GRIA1: variants seen among roughly 807,000 people sequenced by gnomAD.
The protein encoded by GRIA1 is glutamate receptor 1.
GRIA1 carries 31 observed loss-of-function variants against 99.2 expected under a neutral mutation model. The observed-to-expected ratio is 0.31, with a 90% CI of 0.23 to 0.42. GRIA1 has a LOEUF of 0.42. GRIA1 is among the 10% of genes least tolerant of loss of function. GRIA1 has a pLI of 1.00. For missense variants in GRIA1, 782 were observed against 1,157.5 expected, an observed-to-expected ratio of 0.68 and a Z score of 4.71; for synonymous variants, 438 against 432.4, an observed-to-expected ratio of 1.01 and a Z score of -0.16.
intron 2 of GRIA1, among the ~76,000 whole-genome samples, chr5:153,597,567 T>A (rs1764537556): frequency 6.6e-6 from 1 of 152,206 alleles, no homozygotes; most frequent in Admixed American, 6.5e-5. Context: ...TGATTGAGTA[T>A]TCAGTGAGAT....
intron 11 of GRIA1, among the ~76,000 whole-genome samples, chr5:153,760,747 A>C (rs1763126316): frequency 1.3e-5 from 2 of 152,170 alleles, no homozygotes; most frequent in African/African-American, 4.8e-5. Flanking sequence ...ACAAAGCTAG[A>C]AGCACCACAC....
intron 2 of GRIA1, among the ~76,000 whole-genome samples, chr5:153,539,790 T>C (rs1348099279): frequency 5.3e-5 from 8 of 152,220 alleles, no homozygotes; most frequent in Non-Finnish European, 1.2e-4. Context: ...GACCATGGGA[T>C]ATTATAAGAT....
intron 6 of GRIA1, among the ~76,000 whole-genome samples, chr5:153,675,110 A>G (rs1203133212): frequency 6.6e-6 from 1 of 152,212 alleles, no homozygotes; most frequent in Non-Finnish European, 1.5e-5. Flanking sequence ...AGAAGTCACA[A>G]GCAGATCTTC....
chr5:153,575,280 G>T (rs1762436563), intron 2 of GRIA1, among the ~76,000 whole-genome samples: 1 of 151,996 alleles, frequency 6.6e-6, no homozygotes, highest in Non-Finnish European at 1.5e-5. Flanking sequence ...CCTCATGAAA[G>T]CCTCATAATG....
chr5:153,685,449 G>T (rs1454549937), intron 7 of GRIA1, among the ~76,000 whole-genome samples: 1 of 152,114 alleles, frequency 6.6e-6, no homozygotes, highest in African/African-American at 2.4e-5. Context: ...CATATTTGAG[G>T]GTTCCAATAC....
chr5:153,799,090 T>C (rs984564659), intron 14 of GRIA1, among the ~76,000 whole-genome samples: 9 of 149,828 alleles, frequency 6.0e-5, no homozygotes, highest in East Asian at 2.0e-4. Flanking sequence ...CACCCCCCCC[T>C]GACAAGCTGC....
intron 2 of GRIA1, among the ~76,000 whole-genome samples, chr5:153,617,797 C>T (rs1384271178): frequency 6.6e-6 from 1 of 152,106 alleles, no homozygotes. Context: ...TCCTCTCTAC[C>T]TTCTTTCCCT....
At chr5:153,746,427 A>T (rs923591906) in intron 11 of GRIA1, among the ~76,000 whole-genome samples, 1 of 152,210 alleles carries the variant, frequency 6.6e-6, no homozygotes, top group African/African-American at 2.4e-5. Flanking sequence ...GCAGAAGTGC[A>T]TATTGTTATT....
intron 14 of GRIA1, among the ~76,000 whole-genome samples, chr5:153,798,776 A>G (rs999288078): frequency 6.6e-6 from 1 of 152,150 alleles, no homozygotes; most frequent in Non-Finnish European, 1.5e-5. Flanking sequence ...ACATTCTTGG[A>G]AGGGATGTTG....
chr5:153,729,151 G>A (rs1407752482), intron 11 of GRIA1, among the ~76,000 whole-genome samples: 5 of 149,592 alleles, frequency 3.3e-5, no homozygotes, highest in African/African-American at 4.9e-5. Context: ...ACCAAACACC[G>A]CATATTCTCA....
chr5:153,523,481 A>C (rs1192165507), intron 2 of GRIA1, among the ~76,000 whole-genome samples: 4 of 151,040 alleles, frequency 2.6e-5, no homozygotes, highest in Non-Finnish European at 2.9e-5. Context: ...TTTACTACTC[A>C]TTTGACCCTG....
chr5:153,660,333 G>A (rs1485286574), intron 5 of GRIA1, among the ~76,000 whole-genome samples: 1 of 152,174 alleles, frequency 6.6e-6, no homozygotes, highest in African/African-American at 2.4e-5. Context: ...TTAAATGCAT[G>A]TCAATTAAAC....
At chr5:153,560,769 T>G (rs2149351864) in intron 2 of GRIA1, among the ~76,000 whole-genome samples, 1 of 152,304 alleles carries the variant, frequency 6.6e-6, no homozygotes, top group South Asian at 2.1e-4. Context: ...GGGCATAAGC[T>G]ATGGGCCTTT....
chr5:153,599,277 T>C (rs1333726644), intron 2 of GRIA1, among the ~76,000 whole-genome samples: 1 of 152,216 alleles, frequency 6.6e-6, no homozygotes, highest in Admixed American at 6.5e-5. Flanking sequence ...AACTAGATTA[T>C]TTTGTCCAGA....
At chr5:153,761,776 T>A (rs1430650199) in intron 11 of GRIA1, among the ~76,000 whole-genome samples, 1 of 152,164 alleles carries the variant, frequency 6.6e-6, no homozygotes, top group Non-Finnish European at 1.5e-5. Context: ...TACGTGCCCA[T>A]CAACAGATGA....
intron 2 of GRIA1, among the ~76,000 whole-genome samples, chr5:153,642,805 C>T (rs746356384): frequency 2.0e-5 from 3 of 152,178 alleles, no homozygotes; most frequent in African/African-American, 4.8e-5. Flanking sequence ...CTCTTCTCTC[C>T]TACTTGTCAT....
At chr5:153,707,563 G>A (rs1030116062) in intron 11 of GRIA1, among the ~76,000 whole-genome samples, 1 of 152,158 alleles carries the variant, frequency 6.6e-6, no homozygotes, top group Non-Finnish European at 1.5e-5. Context: ...GGGAGTCATG[G>A]CTCAGAATTT....
chr5:153,719,117 T>C (rs1759868234), intron 11 of GRIA1, among the ~76,000 whole-genome samples: 1 of 152,194 alleles, frequency 6.6e-6, no homozygotes, highest in Non-Finnish European at 1.5e-5. Context: ...TCAAGAGTGA[T>C]GGATATTGGC....
chr5:153,747,408 C>T (rs555332524), intron 11 of GRIA1, among the ~76,000 whole-genome samples: 18 of 152,222 alleles, frequency 1.2e-4, no homozygotes, highest in African/African-American at 4.3e-4. Flanking sequence ...CCACCAGGCC[C>T]CACCTCCAAC....
Sources: gnomAD v4.1 joint callset for allele counts (sites outside exome capture counted in the v4.1 genomes callset) on GRCh38, gnomAD v4.1.1 for gene constraint, MANE v1.5 for transcripts, NCBI Gene and HGNC (gene_info 2026-07-23, HGNC 2026-07-21) for gene names.